SMG5: variants seen among roughly 807,000 people sequenced by gnomAD.
The protein encoded by SMG5 is nonsense-mediated mRNA decay factor SMG5.
SMG5 carries 53 observed loss-of-function variants against 122.9 expected under a neutral mutation model. The observed-to-expected ratio is 0.43, with a 90% CI of 0.35 to 0.54. The LOEUF is 0.54. SMG5 is among the 20% of genes least tolerant of loss of function. The pLI is 0.01. For missense variants in SMG5, 1,153 were observed against 1,285.6 expected (o/e 0.90, Z 1.58); for synonymous variants, 477 against 490.2 (o/e 0.97, Z 0.35).
chr1:156,285,564 T>C, upstream of SMG5: 2 of 1,614,230 alleles, frequency 1.2e-6, no homozygotes, highest in South Asian at 2.2e-5. Flanking sequence ...CTAGAGGAGC[T>C]GCCCGAAGAC....
At chr1:156,256,469 T>G (rs187139489) in intron 16 of SMG5, among the ~76,000 whole-genome samples, 6 of 152,118 alleles carry the variant, frequency 3.9e-5, no homozygotes, top group Non-Finnish European at 7.4e-5. Context: ...ATAGACAAAC[T>G]TTCCCTCTTC....
chr1:156,253,330 C>T (rs897875997), intron 17 of SMG5, 119 bp downstream of exon 17: 77 of 1,097,438 alleles, frequency 7.0e-5, no homozygotes, highest in Admixed American at 1.5e-4. Context: ...CTGGGAGAGG[C>T]GGAGGGACAC....
In SMG5 at chr1:156,268,251, C is replaced by G. The variant is rs375298201; in HGVS notation, c.839+39G>C. On this transcript the variant is annotated intron_variant, in intron 8 of 21. Coordinates refer to ENST00000361813, the MANE Select transcript of SMG5 (RefSeq NM_015327.3). ...AGTCCCTATGGTCCTACTGCACCAA[C>G]TGCAGAAAAAACCCGTCCTCCTCAC... is the stretch of plus-strand genomic sequence containing the variant. 1.1e-5 allele frequency: 18 copies of G among 1,613,964 alleles called. No homozygotes were observed. In the Admixed American group the frequency reaches 1.2e-4, roughly 10 times the overall value.
the SMG5 span, among the ~76,000 whole-genome samples, chr1:156,289,307 T>C: frequency 6.6e-6 from 1 of 152,216 alleles, no homozygotes; most frequent in South Asian, 2.1e-4. Flanking sequence ...ACCCCATCTC[T>C]AATAAAAATA....
intron 16 of SMG5, 82 bp from the exon 17 acceptor site, chr1:156,253,590 G>A: frequency 2.2e-6 from 3 of 1,344,576 alleles, no homozygotes; most frequent in Non-Finnish European, 3.2e-6. Context: ...AGGGTTTCCT[G>A]GGGTCTCAGT....
Position 156,266,231 on chromosome 1 carries a change from CA to C in SMG5, c.1404del (p.Gly469ValfsTer6). 3 of 1,614,228 alleles carry C rather than the reference CA, an allele frequency of 1.9e-6. No homozygotes were observed. Among genetic ancestry groups the C allele is most frequent in the Non-Finnish European group, 2.5e-6 (3 of 1,180,046 alleles). On this transcript the variant is annotated frameshift_variant, in exon 12 of 22. Transcript: ENST00000361813. LOFTEE classifies it high-confidence loss of function. Reference protein sequence around the residue: ...CLRRRRHPPKVGDDSDLSEGF... With the variant: ...CLRRRRHPPKXGDDSDLSEGF... The stretch of plus-strand genomic sequence containing the variant: ...CCTTCACTCAGGTCACTGTCATCAC[CA>C]ACTTTGGGTGGGTGGCGGCGACGGC...
intron 10 of SMG5, 120 bp from the exon 11 acceptor site, chr1:156,266,798 A>C: frequency 9.6e-7 from 1 of 1,036,694 alleles, no homozygotes; most frequent in Non-Finnish European, 1.3e-6. Flanking sequence ...CTTATCAAAG[A>C]TTCTTTTTTT....
At chr1:156,258,190 C>A (rs922870329) in intron 16 of SMG5, among the ~76,000 whole-genome samples, 1 of 152,236 alleles carries the variant, frequency 6.6e-6, no homozygotes, top group Non-Finnish European at 1.5e-5. Flanking sequence ...TCCTTCATGG[C>A]CCCTTATATC....
rs925791350 is a variant in SMG5 at position 156,266,226 on chromosome 1, A to G, written c.1410T>C (p.Asp470=). Residue 470 remains aspartate, a synonymous_variant, in exon 12 of 22, where the codon GAT becomes GAC. Coordinates refer to ENST00000361813, the MANE Select transcript of SMG5 (RefSeq NM_015327.3). The stretch of plus-strand genomic sequence containing the variant: ...CAAAGCCTTCACTCAGGTCACTGTC[A>G]TCACCAACTTTGGGTGGGTGGCGGC... ...RRRRHPPKVG[D]DSDLSEGFES... The G allele has an allele frequency of 2.5e-6, 4 of 1,614,216 alleles. No homozygotes were observed. The highest frequency in any genetic ancestry group is 3.3e-4 in the Middle Eastern group (2 of 6,062).
At chr1:156,266,748 C>T in intron 10 of SMG5, 70 bp from the exon 11 acceptor site, 3 of 1,540,410 alleles carry the variant, frequency 1.9e-6, no homozygotes, top group Non-Finnish European at 2.7e-6. Flanking sequence ...CAATTCCAAC[C>T]ACATCTCATC....
chr1:156,266,437 G>C, intron 11 of SMG5, 57 bp from the exon 12 acceptor site: 9 of 1,600,772 alleles, frequency 5.6e-6, no homozygotes, highest in Non-Finnish European at 7.7e-6. Context: ...CTGGAAGCTG[G>C]AATGTGCTCT....
rs1474521112 is a variant in SMG5 at position 156,251,015 on chromosome 1, G to C, written c.2829-19C>G. 1.9e-6 allele frequency: 3 copies of C among 1,610,760 alleles called. No individual in the cohort carries two copies. Among genetic ancestry groups the C allele is most frequent in the Non-Finnish European group, 2.5e-6 (3 of 1,177,872 alleles). On this transcript the variant is annotated intron_variant, in intron 20 of 21. Transcript: ENST00000361813. ...GAGAGTCCTGGGGATGGGGGGCAGAGGGGAAGATGGGCCAAGACCCAGCAT... is the reference window on the plus strand; with the variant it reads ...GAGAGTCCTGGGGATGGGGGGCAGACGGGAAGATGGGCCAAGACCCAGCAT...
the SMG5 span, chr1:156,291,497 G>GT: frequency 4.3e-6 from 7 of 1,612,686 alleles, no homozygotes; most frequent in African/African-American, 9.3e-5. Context: ...CTACATGTTC[G>GT]TGGTGGAGCC....
At chr1:156,291,012 C>T in the SMG5 span, 3 of 229,558 alleles carry the variant, frequency 1.3e-5, no homozygotes, top group South Asian at 8.1e-5. Context: ...TGGTGGCCCG[C>T]ATCTGTAATC....
intron 7 of SMG5, 112 bp downstream of exon 7, chr1:156,272,208 C>A: frequency 3.2e-6 from 3 of 947,770 alleles, no homozygotes; most frequent in Non-Finnish European, 4.9e-6. Flanking sequence ...TCAATCTTAG[C>A]ATTCCCCTAT....
chr1:156,251,894 G>T lies in SMG5; in HGVS notation c.2754-417C>A, dbSNP rs765713107. ...TGCCTAGTTCTCCTCCAGCCCCAAA[G>T]GCCAGAAGGGCAGGCCTGTACCGGC... On this transcript the variant is annotated intron_variant, in intron 19 of 21. Transcript: ENST00000361813. 6.6e-5 allele frequency among the ~76,000 whole-genome samples: 10 copies of T among 152,332 alleles called. No homozygotes were observed. The Middle Eastern group carries it at 0.017, about 259-fold the overall frequency.
At position 156,249,660 on chromosome 1, in the gene SMG5, G is replaced by A. The variant is rs1161765050; in HGVS notation, c.*927C>T. Reference sequence around the variant, plus strand: ...GCCTCTGACTGAGCAGCTTCAAGGAGCCTCTCCTTTCTGCTGCCCACTGAA... The same window carrying A: ...GCCTCTGACTGAGCAGCTTCAAGGAACCTCTCCTTTCTGCTGCCCACTGAA... On this transcript the variant is annotated 3_prime_UTR_variant, in exon 22 of 22. Transcript: ENST00000361813. 2.5e-5 allele frequency: 11 copies of A among 448,176 alleles called. No homozygotes were observed. Among genetic ancestry groups the A allele is most frequent in the African/African-American group, 2.0e-5 (1 of 49,552 alleles). The allele number at this position is 448,176 out of a possible 1,614,324, so 27.8% of individuals were successfully genotyped here.
At chr1:156,291,487 C>T in the SMG5 span, 5 of 1,613,372 alleles carry the variant, frequency 3.1e-6, no homozygotes, top group South Asian at 5.5e-5. Context: ...GGAACCTCTA[C>T]TACATGTTCG....
At position 156,253,038 on chromosome 1, in the gene SMG5, T is replaced by G; in HGVS notation, c.2543A>C (p.Lys848Thr). 1.2e-6 allele frequency: 2 copies of G among 1,612,160 alleles called. No individual in the cohort carries two copies. The highest frequency in any genetic ancestry group is 1.7e-6 in the Non-Finnish European group (2 of 1,179,242). ...GTAGGGAGACATGGCTGACTGGGCC[T>G]TGGGCTGCTGCAGGCTGCCCTCCAG... ...SQLEGSLQQP[K>T]AQSAMSPYLV... Residue 848 changes from lysine (K) to threonine (T), a missense_variant, in exon 18 of 22, where the codon AAG (lysine) becomes ACG (threonine). Transcript: ENST00000361813.
Sources: gnomAD v4.1 joint callset for allele counts (sites outside exome capture counted in the v4.1 genomes callset) on GRCh38, gnomAD v4.1.1 for gene constraint, MANE v1.5 for transcripts, NCBI Gene and HGNC (gene_info 2026-07-23, HGNC 2026-07-21) for gene names.